ADCY2: variants seen among roughly 807,000 people sequenced by gnomAD.
ADCY2 encodes the protein adenylate cyclase type 2.
Under a neutral mutation model 125.2 loss-of-function variants are expected in ADCY2, and 31 were observed. The observed-to-expected ratio is 0.25, with a 90% CI of 0.19 to 0.33. ADCY2 has a LOEUF of 0.33. Among genes scored for constraint, ADCY2 ranks in the 10% least tolerant of loss-of-function variants. The probability of loss-of-function intolerance (pLI) is 1.00; values close to 1 mark genes in which losing one functional copy is unlikely to be tolerated. For synonymous variants in ADCY2, 512 were observed against 548.4 expected (o/e 0.93, Z 0.93); for missense variants, 904 against 1,418.2 (o/e 0.64, Z 5.82).
chr5:7,591,090 C>T (rs1439998249), intron 3 of ADCY2, among the ~76,000 whole-genome samples: 1 of 152,126 alleles, frequency 6.6e-6, no homozygotes, highest in African/African-American at 2.4e-5. Flanking sequence ...CACGTGATTA[C>T]TGGTGACGTT....
intron 5 of ADCY2, 46 bp downstream of exon 5, chr5:7,690,885 A>G (rs530733660): frequency 1.4e-6 from 2 of 1,453,978 alleles, no homozygotes; most frequent in East Asian, 2.6e-5. Context: ...AGTCTGCCTG[A>G]CTGGAGACAT....
chr5:7,507,373 G>A lies in ADCY2; in HGVS notation c.409-13365G>A, dbSNP rs549542411. On this transcript the variant is annotated intron_variant, in intron 2 of 24. Coordinates refer to ENST00000338316, the MANE Select transcript of ADCY2 (RefSeq NM_020546.3). ...GGAGAATGGCGTGAACCCGGGAGGC[G>A]GAGCTTGCAGTGAGCCGAGATCATA... Among the ~76,000 whole-genome samples, 42 of 131,728 alleles carry A rather than the reference G, an allele frequency of 3.2e-4. 2 individuals carry two copies. The South Asian group carries it at 9.5e-3, about 30-fold the overall frequency. The allele number at this position is 131,728 out of a possible 152,430, so 86.4% of individuals were successfully genotyped here.
intron 3 of ADCY2, among the ~76,000 whole-genome samples, chr5:7,527,166 C>T (rs1039067788): frequency 1.3e-5 from 2 of 152,082 alleles, no homozygotes; most frequent in African/African-American, 2.4e-5. Flanking sequence ...GCCTGGTCCC[C>T]AGGGGTGGTG....
rs70940750 is a variant in ADCY2 at position 7,665,828 on chromosome 5, C to CTTTTTTTTTTTTTT, written c.721-24848_721-24835dup. On this transcript the variant is annotated intron_variant, in intron 4 of 24. Coordinates refer to ENST00000338316, the MANE Select transcript of ADCY2 (RefSeq NM_020546.3). ...TGTTTTGTTTTTTTTTAATTTAATT[C>CTTTTTTTTTTTTTT]TTTTTTTTTTTTTTTTTTTTTTTTT... Among the ~76,000 whole-genome samples the CTTTTTTTTTTTTTT allele has an allele frequency of 5.2e-5, 2 of 38,632 alleles. 1 individual carries two copies. 25.3% of individuals were successfully genotyped at this position (38,632 alleles called of 152,430 possible). A position where few individuals can be genotyped will look rare whatever the true frequency, so the allele number is the denominator to read the frequency against.
intron 7 of ADCY2, among the ~76,000 whole-genome samples, chr5:7,699,973 AT>A (rs1741027886): frequency 6.6e-6 from 1 of 152,166 alleles, no homozygotes; most frequent in Admixed American, 6.5e-5. Flanking sequence ...TTCAAAGGTG[AT>A]TTTTAAAAGA....
rs568735782 is a variant in ADCY2 at position 7,759,017 on chromosome 5, C to G, written c.2094+1431C>G. On this transcript the variant is annotated intron_variant, in intron 16 of 24. Coordinates refer to ENST00000338316, the MANE Select transcript of ADCY2 (RefSeq NM_020546.3). ...AGGTGAGGGTGATGCCACCTGGACC[C>G]CAGATGGGCCAAGCACTAGCAGCAG... Among the ~76,000 whole-genome samples, 265 of 152,264 alleles carry G rather than the reference C, an allele frequency of 1.7e-3. 2 individuals are homozygous for G. The highest frequency in any genetic ancestry group is 6.2e-3 in the African/African-American group (259 of 41,552).
chr5:7,748,842 C>T (rs1401291658), intron 15 of ADCY2, among the ~76,000 whole-genome samples: 1 of 152,174 alleles, frequency 6.6e-6, no homozygotes, highest in Non-Finnish European at 1.5e-5. Context: ...CACAAGGGCC[C>T]TTGGAGGTAA....
At chr5:7,468,144 C>T (rs925862873) in intron 2 of ADCY2, among the ~76,000 whole-genome samples, 1 of 152,140 alleles carries the variant, frequency 6.6e-6, no homozygotes, top group Non-Finnish European at 1.5e-5. Flanking sequence ...TTTGTATGAT[C>T]TCAGTTTAAT....
rs62341506 is a variant in ADCY2, at chr5:7,519,642, A to G, written c.409-1096A>G. Reference sequence around the variant, plus strand: ...TTTTCATGCCAAACATTTCTTTGAGAGGTTTCGTGTTGATTGTTTTGATTG... The same window carrying G: ...TTTTCATGCCAAACATTTCTTTGAGGGGTTTCGTGTTGATTGTTTTGATTG... On this transcript the variant is annotated intron_variant, in intron 2 of 24. Transcript: ENST00000338316. Among the ~76,000 whole-genome samples the G allele has an allele frequency of 7.8e-3, 1,188 of 152,278 alleles. 12 individuals are homozygous for G. Among genetic ancestry groups the G allele is most frequent in the Non-Finnish European group, 0.013 (901 of 68,026 alleles).
chr5:7,419,834 G>T (rs772395492), intron 2 of ADCY2, among the ~76,000 whole-genome samples: 2 of 152,186 alleles, frequency 1.3e-5, no homozygotes, highest in Non-Finnish European at 2.9e-5. Flanking sequence ...CAGCTAGCAC[G>T]TGCATGGTCT....
chr5:7,666,510 CG>C (rs1561155047), intron 4 of ADCY2, among the ~76,000 whole-genome samples: 3 of 151,558 alleles, frequency 2.0e-5, no homozygotes, highest in Non-Finnish European at 4.4e-5. Flanking sequence ...CCTCATGATC[CG>C]ACCGCCTCGG....
chr5:7,407,616 G>A (rs35115977), intron 1 of ADCY2, among the ~76,000 whole-genome samples: 7,028 of 152,202 alleles, frequency 0.046, 197 homozygotes, highest in South Asian at 0.1. Context: ...TGAAAAGGTC[G>A]ATGGGCATCT....
intron 16 of ADCY2, among the ~76,000 whole-genome samples, chr5:7,761,148 C>CTTTTTTTTTTTTTTTTTTTT (rs367998018): frequency 6.4e-4 from 56 of 88,158 alleles, no homozygotes; most frequent in South Asian, 8.5e-4. Context: ...CTTTTCTTTT[C>CTTTTTTTTTTTTTTTTTTTT]TTTTTTTTTT....
At chr5:7,596,276 C>A (rs546225443) in intron 3 of ADCY2, among the ~76,000 whole-genome samples, 9 of 29,980 alleles carry the variant, frequency 3.0e-4, no homozygotes, top group South Asian at 6.5e-4. Context: ...TCCAAAAACT[C>A]CCCCCCCCCA....
At chr5:7,522,894 C>G (rs1334161616) in intron 3 of ADCY2, among the ~76,000 whole-genome samples, 1 of 150,994 alleles carries the variant, frequency 6.6e-6, no homozygotes, top group East Asian at 2.0e-4. Context: ...CCACTGCACT[C>G]CAGCCTGGGC....
intron 22 of ADCY2, among the ~76,000 whole-genome samples, chr5:7,806,367 T>C (rs1045957079): frequency 6.6e-6 from 1 of 151,974 alleles, no homozygotes; most frequent in Admixed American, 6.6e-5. Flanking sequence ...TCTTACTGCC[T>C]CAGGCTCTAA....
chr5:7,689,128 C>T (rs1390490584), intron 4 of ADCY2, among the ~76,000 whole-genome samples: 9 of 152,224 alleles, frequency 5.9e-5, no homozygotes, highest in South Asian at 4.1e-4. Flanking sequence ...CTTTCAAAAG[C>T]GCTAATGGTA....
intron 3 of ADCY2, among the ~76,000 whole-genome samples, chr5:7,623,491 A>C (rs1344905102): frequency 6.6e-6 from 1 of 152,160 alleles, no homozygotes; most frequent in Non-Finnish European, 1.5e-5. Context: ...CTTAATTGAC[A>C]ATGCACCATT....
intron 3 of ADCY2, among the ~76,000 whole-genome samples, chr5:7,585,936 T>C (rs1470956373): frequency 6.6e-6 from 1 of 152,238 alleles, no homozygotes; most frequent in Non-Finnish European, 1.5e-5. Flanking sequence ...CACCATGCTG[T>C]ACTCCTTAAA....
Sources: gnomAD v4.1 joint callset for allele counts (sites outside exome capture counted in the v4.1 genomes callset) on GRCh38, gnomAD v4.1.1 for gene constraint, MANE v1.5 for transcripts, NCBI Gene and HGNC (gene_info 2026-07-23, HGNC 2026-07-21) for gene names.